The following ZDHHC15 variants were observed in gnomAD, a reference collection of about 807,000 sequenced individuals.
ZDHHC15 encodes zDHHC palmitoyltransferase 15, also known as palmitoyltransferase ZDHHC15.
A neutral mutation model predicts 31.7 loss-of-function variants in ZDHHC15; 19 were observed. The observed-to-expected ratio is 0.60, with a 90% CI of 0.42 to 0.88. The LOEUF (loss-of-function observed/expected upper bound fraction) is 0.88. Among genes scored for constraint, ZDHHC15 ranks in the 40% least tolerant of loss-of-function variants. The pLI, the probability that ZDHHC15 is intolerant of heterozygous loss-of-function variation, is 0.00. For missense variants in ZDHHC15, 209 were observed against 251.2 expected, an observed-to-expected ratio of 0.83 and a Z score of 1.14; for synonymous variants, 103 against 90.0, an observed-to-expected ratio of 1.14 and a Z score of -0.82.
chrX:75,449,201 T>TACACACAC (rs3075226), intron 4 of ZDHHC15, among the ~76,000 whole-genome samples: 29 of 76,648 alleles, frequency 3.8e-4, no homozygotes, highest in African/African-American at 1.4e-3. Context: ...TCTCTCTCTA[T>TACACACAC]ACACACACAC....
intron 2 of ZDHHC15, among the ~76,000 whole-genome samples, chrX:75,493,899 T>A (rs1358365764): frequency 9.0e-6 from 1 of 111,274 alleles, no homozygotes; most frequent in Non-Finnish European, 1.9e-5. Flanking sequence ...CTCTCACCAC[T>A]CCTATTCAAC....
intron 1 of ZDHHC15, among the ~76,000 whole-genome samples, chrX:75,508,343 T>C (rs2085202322): frequency 1.2e-5 from 1 of 85,354 alleles, no homozygotes; most frequent in South Asian, 8.1e-4. Flanking sequence ...TCCCTTCCTG[T>C]GTCCAAGTGT....
At chrX:75,417,299 T>A (rs2083559798) in intron 9 of ZDHHC15, 109 bp from the exon 10 acceptor site, 2 of 474,528 alleles carry the variant, frequency 4.2e-6, no homozygotes, top group African/African-American at 4.8e-5. Flanking sequence ...TTAGTCTCAT[T>A]GTCTAAAGCC....
At chrX:75,373,346 T>G (rs770954256) in intron 11 of ZDHHC15, among the ~76,000 whole-genome samples, 1 of 111,685 alleles carries the variant, frequency 9.0e-6, no homozygotes, top group African/African-American at 3.2e-5. Context: ...GAAGCTGAAT[T>G]CTAGCTTTGC....
At chrX:75,505,686 C>T (rs915545091) in intron 2 of ZDHHC15, 135 bp downstream of exon 2, 1 of 710,687 alleles carries the variant, frequency 1.4e-6, no homozygotes, top group African/African-American at 2.2e-5. Context: ...TTCCTGAAAA[C>T]CATCATTCTA....
intron 10 of ZDHHC15, among the ~76,000 whole-genome samples, chrX:75,401,278 A>C (rs2147795107): frequency 9.0e-6 from 1 of 111,715 alleles, no homozygotes; most frequent in Admixed American, 9.4e-5. Flanking sequence ...AGAAAAGAAA[A>C]AAGAAAAACA....
chrX:75,415,620 T>G (rs2083540707), intron 10 of ZDHHC15, among the ~76,000 whole-genome samples: 1 of 112,234 alleles, frequency 8.9e-6, no homozygotes, highest in Non-Finnish European at 1.9e-5. Flanking sequence ...TCAATTTTAG[T>G]TTCTTAATTA....
intron 3 of ZDHHC15, among the ~76,000 whole-genome samples, chrX:75,463,268 C>T (rs1034301342): frequency 9.0e-6 from 1 of 110,855 alleles, no homozygotes; most frequent in African/African-American, 3.3e-5. Flanking sequence ...AATAAACAGC[C>T]TACCAATCAA....
chrX:75,426,092 G>C lies in ZDHHC15; in HGVS notation c.604-1308C>G, dbSNP rs941038260. On this transcript the variant is annotated intron_variant, in intron 7 of 11. Transcript: ENST00000373367. The stretch of plus-strand genomic sequence containing the variant: ...CTCTACAAATTCTCGGCCTAAGCAG[G>C]CAAATTGAATTAGATTGGTTTTTGT... 1.9e-4 allele frequency among the ~76,000 whole-genome samples: 21 copies of C among 111,967 alleles called. No homozygotes were observed. In the Admixed American group the frequency reaches 2.0e-3, roughly 11 times the overall value.
chrX:75,483,297 T>TA (rs1262554335), intron 2 of ZDHHC15, among the ~76,000 whole-genome samples: 2 of 110,018 alleles, frequency 1.8e-5, no homozygotes, highest in African/African-American at 6.6e-5. Context: ...ACGGGTTTGT[T>TA]AAAAAAGAGA....
intron 3 of ZDHHC15, among the ~76,000 whole-genome samples, chrX:75,463,427 C>A (rs985697477): frequency 9.0e-6 from 1 of 111,083 alleles, no homozygotes; most frequent in Non-Finnish European, 1.9e-5. Flanking sequence ...CATCTTGATA[C>A]CAAAACCTGG....
intron 7 of ZDHHC15, among the ~76,000 whole-genome samples, chrX:75,426,078 C>A (rs1271802187): frequency 8.9e-6 from 1 of 111,844 alleles, no homozygotes; most frequent in African/African-American, 3.2e-5. Context: ...TCTACAAATT[C>A]TCGGCCTAAG....
intron 5 of ZDHHC15, among the ~76,000 whole-genome samples, chrX:75,431,076 T>G (rs1340433447): frequency 8.9e-6 from 1 of 111,850 alleles, no homozygotes; most frequent in Non-Finnish European, 1.9e-5. Context: ...GAAATCTAAA[T>G]ATAGACTTCA....
At chrX:75,406,924 A>G (rs770818344) in intron 10 of ZDHHC15, among the ~76,000 whole-genome samples, 2 of 112,292 alleles carry the variant, frequency 1.8e-5, no homozygotes, top group African/African-American at 6.5e-5. Flanking sequence ...CAAAATGTTA[A>G]GATCCTCAAC....
At chrX:75,488,955 C>T (rs1286520656) in intron 2 of ZDHHC15, among the ~76,000 whole-genome samples, 3 of 111,954 alleles carry the variant, frequency 2.7e-5, no homozygotes, top group Non-Finnish European at 5.6e-5. Flanking sequence ...GATTATATCC[C>T]ACGCCTGGTT....
At chrX:75,498,436 A>T (rs1275687173) in intron 2 of ZDHHC15, among the ~76,000 whole-genome samples, 1 of 111,978 alleles carries the variant, frequency 8.9e-6, no homozygotes, top group Non-Finnish European at 1.9e-5. Flanking sequence ...CAATGAATGC[A>T]GTAGTGTCTG....
chrX:75,480,150 A>T (rs2084666783), intron 2 of ZDHHC15, among the ~76,000 whole-genome samples: 1 of 109,716 alleles, frequency 9.1e-6, no homozygotes, highest in Non-Finnish European at 1.9e-5. Flanking sequence ...AATTGAATTG[A>T]AAAAAAAAGA....
At chrX:75,501,005 T>G (rs754798411) in intron 2 of ZDHHC15, among the ~76,000 whole-genome samples, 53 of 110,604 alleles carry the variant, frequency 4.8e-4, no homozygotes, top group African/African-American at 1.5e-3. Context: ...CATGTAAAGG[T>G]TTCTTATATA....
At chrX:75,373,155 A>T (rs2147741831) in intron 11 of ZDHHC15, among the ~76,000 whole-genome samples, 1 of 112,061 alleles carries the variant, frequency 8.9e-6, no homozygotes, top group Non-Finnish European at 1.9e-5. Context: ...TTGGAATAAG[A>T]GACTGAGGAA....
Sources: allele counts gnomAD v4.1 joint callset (sites outside exome capture counted in the v4.1 genomes callset), GRCh38; gene constraint gnomAD v4.1.1; transcripts MANE v1.5; gene names NCBI Gene and HGNC (gene_info 2026-07-23, HGNC 2026-07-21).